Variants in PKP3 observed in about 807,000 individuals in gnomAD.
PKP3 encodes plakophilin 3.
A neutral mutation model predicts 76.5 loss-of-function variants in PKP3; 66 were observed. The observed-to-expected ratio is 0.86, with a 90% CI of 0.71 to 1.06. The LOEUF (loss-of-function observed/expected upper bound fraction) is 1.06. Among genes scored for constraint, PKP3 ranks in the 50% least tolerant of loss-of-function variants. PKP3 has a pLI of 0.00. For missense variants in PKP3, 1,338 were observed against 1,141.0 expected (o/e 1.17, Z -2.49); for synonymous variants, 638 against 516.5 (o/e 1.24, Z -3.19).
Position 399,151 on chromosome 11 carries a change from C to A in PKP3, c.1228C>A (p.Arg410=), listed in dbSNP as rs527877321. ...GGAGAACGGGATCTTCGAGCTGCTG[C>A]GGACACTGCGGGAGCAGGATGATGA... is the stretch of plus-strand genomic sequence containing the variant. ...VEENGIFELL[R]TLREQDDELR... The change falls in exon 5 of 13, where the codon CGG becomes AGG. Residue 410 remains arginine (R), a synonymous_variant. Coordinates refer to ENST00000331563, the MANE Select transcript of PKP3 (RefSeq NM_007183.4). 6.2e-7 allele frequency: 1 copy of A among 1,610,800 alleles called. No homozygotes were observed. The highest frequency in any genetic ancestry group is 8.5e-7 in the Non-Finnish European group (1 of 1,178,896).
At chr11:399,568 C>G (rs1375744676) in intron 5 of PKP3, among the ~76,000 whole-genome samples, 1 of 100,444 alleles carries the variant, frequency 1.0e-5, no homozygotes, top group Non-Finnish European at 2.0e-5. Context: ...CTCCTCCTGT[C>G]CCTCCTCTGC....
intron 1 of PKP3, among the ~76,000 whole-genome samples, chr11:395,260 G>T (rs1847030258): frequency 6.6e-6 from 1 of 151,862 alleles, no homozygotes; most frequent in African/African-American, 2.4e-5. Flanking sequence ...CAGGGATTAA[G>T]GTTAGACAGT....
intron 1 of PKP3, among the ~76,000 whole-genome samples, chr11:395,645 C>T (rs866778896): frequency 2.0e-5 from 3 of 152,206 alleles, no homozygotes; most frequent in South Asian, 4.1e-4. Flanking sequence ...TTAATAGCCC[C>T]GGCCCAGAAG....
chr11:394,173 G>T, upstream of PKP3: 1 of 1,357,564 alleles, frequency 7.4e-7, no homozygotes. Context: ...TCTGTCTTCA[G>T]GCGGCTCTGG....
chr11:400,089 C>T lies in PKP3; in HGVS notation c.1396C>T (p.Gln466Ter). 6.3e-7 allele frequency: 1 copy of T among 1,594,122 alleles called. No individual in the cohort carries two copies. Among genetic ancestry groups the T allele is most frequent in the Non-Finnish European group, 8.5e-7 (1 of 1,173,912 alleles). ...GGGGGCTGGGGGTCCCCCCCTCATC[C>T]AGCAGAACGCCTCGGAGGCAGAGAT... ...LSGAGGPPLIQQNASEAEIFY... is the reference protein window; with the variant it reads ...LSGAGGPPLI Residue 466 changes from glutamine to a stop codon, truncating the protein, a stop_gained, in exon 6 of 13, where the codon CAG becomes TAG. Coordinates refer to ENST00000331563, the MANE Select transcript of PKP3 (RefSeq NM_007183.4). LOFTEE classifies it high-confidence loss of function.
In PKP3 at chr11:400,725, G is replaced by A; in HGVS notation, c.1737+20G>A. 4 of 1,208,572 alleles carry A rather than the reference G, an allele frequency of 3.3e-6. No homozygotes were observed. Among genetic ancestry groups the A allele is most frequent in the Non-Finnish European group, 4.1e-6 (4 of 968,062 alleles). 74.9% of individuals were successfully genotyped at this position (1,208,572 alleles called of 1,614,324 possible). On this transcript the variant is annotated intron_variant, in intron 8 of 12. Coordinates refer to ENST00000331563, the MANE Select transcript of PKP3 (RefSeq NM_007183.4). ...CGCGAGGTGGGCACCAGCCTGAGCG[G>A]GGCGTGGGGTGGGTGCTGCGACCCC...
rs144447333 is a variant in PKP3, at chr11:400,075, G to T, written c.1382G>T (p.Gly461Val). Residue 461 changes from glycine to valine, a missense_variant, in exon 6 of 13, where the codon GGT becomes GTT. Physicochemically the swap from Gly to Val is moderately radical, Grantham distance 109. Coordinates refer to ENST00000331563, the MANE Select transcript of PKP3 (RefSeq NM_007183.4). ...TTGAGCCCCCTGTCGGGGGCTGGGG[G>T]TCCCCCCCTCATCCAGCAGAACGCC... ...LVLSPLSGAG[G>V]PPLIQQNASE... is the part of the protein sequence containing the mutation. The T allele has an allele frequency of 1.4e-5, 23 of 1,600,650 alleles. No homozygotes were observed. The highest frequency in any genetic ancestry group is 2.0e-5 in the Non-Finnish European group (23 of 1,176,202).
Position 403,973 on chromosome 11 carries a change from A to G in PKP3, c.2108A>G (p.Lys703Arg), listed in dbSNP as rs1388450242. The change falls in exon 11 of 13, where the codon AAG (lysine) becomes AGG (arginine). Residue 703 changes from lysine to arginine, a missense_variant. Lys to Arg is a conservative substitution (Grantham distance 26). Coordinates refer to ENST00000331563, the MANE Select transcript of PKP3 (RefSeq NM_007183.4). ...STKVVSHLIE[K>R]LPGSVGEKSP... ...AAGGTGGTGAGCCACCTGATCGAGAAGCTGCCGGGCAGCGTGGGTGAGAAG... is the reference window on the plus strand; with the variant it reads ...AAGGTGGTGAGCCACCTGATCGAGAGGCTGCCGGGCAGCGTGGGTGAGAAG... The G allele has an allele frequency of 6.2e-7, 1 of 1,606,570 alleles. No individual in the cohort carries two copies. The highest frequency in any genetic ancestry group is 1.1e-5 in the South Asian group (1 of 90,604).
Position 403,214 on chromosome 11 carries a change from C to A in PKP3, c.1874C>A (p.Thr625Lys). The change falls in exon 9 of 13, where the codon ACG (threonine) becomes AAG (lysine). Residue 625 changes from threonine (T) to lysine (K), a missense_variant. Physicochemically the swap from Thr to Lys is moderately conservative, Grantham distance 78. Transcript: ENST00000331563. ...CGCTGCGAGCTCAACCGGCACACGA[C>A]GGAGGCGGCCGCCGGGGCGCTGCAG... ...LQRCELNRHTTEAAAGALQNI... is the reference protein window; with the variant it reads ...LQRCELNRHTKEAAAGALQNI... 6.3e-7 allele frequency: 1 copy of A among 1,590,120 alleles called. No homozygotes were observed. Among genetic ancestry groups the A allele is most frequent in the Non-Finnish European group, 8.5e-7 (1 of 1,170,784 alleles).
In PKP3 at chr11:397,072, C is replaced by G; in HGVS notation, c.571C>G (p.Leu191Val). 6.3e-7 allele frequency: 1 copy of G among 1,598,792 alleles called. No homozygotes were observed. The highest frequency in any genetic ancestry group is 1.1e-5 in the South Asian group (1 of 91,046). The change falls in exon 3 of 13, where the codon CTG becomes GTG. Residue 191 changes from leucine to valine, a missense_variant. Physicochemically the swap from Leu to Val is conservative, Grantham distance 32 (BLOSUM62 1). Coordinates refer to ENST00000331563, the MANE Select transcript of PKP3 (RefSeq NM_007183.4). ...LRSLRLGPGG[L>V]DDRYSLVSEQ... Reference sequence around the variant, plus strand: ...CTCGCTGCGGCTGGGGCCCGGGGGCCTGGACGACCGCTACAGCCTGGTGTC... The same window carrying G: ...CTCGCTGCGGCTGGGGCCCGGGGGCGTGGACGACCGCTACAGCCTGGTGTC...
rs1847211124 is a variant in PKP3 at position 404,115 on chromosome 11, C to T, written c.2250C>T (p.Phe750=). The T allele has an allele frequency of 6.2e-7, 1 of 1,610,944 alleles. No homozygotes were observed. Among genetic ancestry groups the T allele is most frequent in the Non-Finnish European group, 8.5e-7 (1 of 1,178,808 alleles). Residue 750 remains phenylalanine, a synonymous_variant, in exon 11 of 13, where the codon TTC becomes TTT. Transcript: ENST00000331563. This position sits in a 1 kb window ranked among gnomAD's most constrained non-coding sequence, Gnocchi z 4.2. ...TTGACGGACTCCGAAAGCTCATCTTCATCAAGAAGAAGCGGGACAGGTAGG... is the reference window on the plus strand; with the variant it reads ...TTGACGGACTCCGAAAGCTCATCTTTATCAAGAAGAAGCGGGACAGGTAGG... ...LYFDGLRKLI[F]IKKKRDSPDS...
rs1847197412 is a variant in PKP3 at position 403,659 on chromosome 11, T to C, written c.1965T>C (p.Arg655=). 2 of 1,609,642 alleles carry C rather than the reference T, an allele frequency of 1.2e-6. No homozygotes were observed. The highest frequency in any genetic ancestry group is 1.7e-6 in the Non-Finnish European group (2 of 1,179,816). ...VLSRLALEQE[R]ILNPLLDRVR... The stretch of plus-strand genomic sequence containing the variant: ...GCCGCCTGGCCCTGGAGCAGGAGCG[T>C]ATTCTGAACCCCCTGCTAGACCGTG... The change falls in exon 10 of 13, where the codon CGT becomes CGC. Residue 655 remains arginine, a synonymous_variant. Transcript: ENST00000331563.
chr11:399,134 G>T lies in PKP3; in HGVS notation c.1211G>T (p.Gly404Val), dbSNP rs1226747801. Residue 404 changes from glycine (G) to valine (V), a missense_variant, in exon 5 of 13, where the codon GGG becomes GTG. Coordinates refer to ENST00000331563, the MANE Select transcript of PKP3 (RefSeq NM_007183.4). ...AAGCTGGCCCTGGTGGAGGAGAACG[G>T]GATCTTCGAGCTGCTGCGGACACTG... ...DNKLALVEENGIFELLRTLRE... is the reference protein window; with the variant it reads ...DNKLALVEENVIFELLRTLRE... 1.9e-6 allele frequency: 3 copies of T among 1,611,836 alleles called. No homozygotes were observed. The South Asian group carries it at 3.3e-5, about 18-fold the overall frequency.
chr11:394,321 C>T lies in PKP3; in HGVS notation c.29C>T (p.Ala10Val), dbSNP rs969838495. 12 of 1,514,568 alleles carry T rather than the reference C, an allele frequency of 7.9e-6. No individual in the cohort carries two copies. The Admixed American group carries it at 1.0e-4, about 13-fold the overall frequency. 93.8% of individuals were successfully genotyped at this position (1,514,568 alleles called of 1,614,324 possible). Residue 10 changes from alanine (A) to valine (V), a missense_variant, in exon 1 of 13, where the codon GCC becomes GTC. Coordinates refer to ENST00000331563, the MANE Select transcript of PKP3 (RefSeq NM_007183.4). ...CAGGACGGTAACTTCCTGCTGTCGG[C>T]CCTGCAGCCTGAGGCCGGCGTGTGC... MQDGNFLLS[A>V]LQPEAGVCSL...
chr11:394,554 C>T (rs959520570), intron 1 of PKP3, 30 bp downstream of exon 1: 12 of 1,349,980 alleles, frequency 8.9e-6, no homozygotes, highest in African/African-American at 7.7e-5. Flanking sequence ...GCGGGGATGG[C>T]GGTGGCGGGG....
rs1847132554 is a variant in PKP3, at chr11:400,417, A to G, written c.1532A>G (p.Asn511Ser). The change falls in exon 7 of 13, where the codon AAC becomes AGC. Residue 511 changes from asparagine (N) to serine (S), a missense_variant. Transcript: ENST00000331563. Reference sequence around the variant, plus strand: ...GTGGACGCCCTGGTCACCTCTATCAACCACGCCCTGGACGCGGGCAAATGC... The same window carrying G: ...GTGGACGCCCTGGTCACCTCTATCAGCCACGCCCTGGACGCGGGCAAATGC... ...GLVDALVTSI[N>S]HALDAGKCED... The G allele has an allele frequency of 2.6e-6, 4 of 1,548,226 alleles. No individual in the cohort carries two copies. The highest frequency in any genetic ancestry group is 3.9e-5 in the Admixed American group (2 of 50,912).
At position 404,099 on chromosome 11, in the gene PKP3, T is replaced by C. The variant is rs762275972; in HGVS notation, c.2234T>C (p.Leu745Pro). 1 of 1,611,604 alleles carries C rather than the reference T, an allele frequency of 6.2e-7. No individual in the cohort carries two copies. The highest frequency in any genetic ancestry group is 1.7e-5 in the Admixed American group (1 of 59,916). The change falls in exon 11 of 13, where the codon CTC (leucine) becomes CCC (proline). Residue 745 changes from leucine (L) to proline (P), a missense_variant. Leu to Pro is a moderately conservative substitution (Grantham distance 98). Transcript: ENST00000331563. This position sits in a 1 kb window ranked among gnomAD's most constrained non-coding sequence, Gnocchi z 4.2. ...CGAGACCTGCTGTATTTTGACGGAC[T>C]CCGAAAGCTCATCTTCATCAAGAAG... ...AARDLLYFDG[L>P]RKLIFIKKKR...
rs146140233 is a variant in PKP3, at chr11:397,614, G to C, written c.1020G>C (p.Ala340=). The change falls in exon 4 of 13, where the codon GCG becomes GCC. Residue 340 remains alanine (A), a synonymous_variant. Coordinates refer to ENST00000331563, the MANE Select transcript of PKP3 (RefSeq NM_007183.4). ...ASDPNLQVLG[A]AYIQHKCYSD... Reference sequence around the variant, plus strand: ...ACCCCAACCTGCAGGTGCTGGGAGCGGCCTACATCCAGCACAAGTGCTACA... The same window carrying C: ...ACCCCAACCTGCAGGTGCTGGGAGCCGCCTACATCCAGCACAAGTGCTACA... The C allele has an allele frequency of 6.2e-7, 1 of 1,612,024 alleles. No homozygotes were observed. Among genetic ancestry groups the C allele is most frequent in the Non-Finnish European group, 8.5e-7 (1 of 1,179,498 alleles).
At chr11:400,306 G>A (rs373975191) in intron 6 of PKP3, 28 bp from the exon 7 acceptor site, 43 of 1,522,874 alleles carry the variant, frequency 2.8e-5, no homozygotes, top group Non-Finnish European at 3.5e-5. Flanking sequence ...GGGGTCCCTG[G>A]GGGGCTCTGA....
Sources: gnomAD v4.1 joint callset for allele counts (sites outside exome capture counted in the v4.1 genomes callset) on GRCh38, gnomAD v4.1.1 for gene constraint, Gnocchi (gnomAD v3.1) non-coding constraint, MANE v1.5 for transcripts, NCBI Gene and HGNC (gene_info 2026-07-23, HGNC 2026-07-21) for gene names.